Variants in PVT1 observed in about 807,000 individuals in gnomAD.
PVT1 encodes the protein CXCR4/PVT1 fusion.
chr8:127,885,012 C>T (rs1425654158), intron 2 of PVT1, among the ~76,000 whole-genome samples: 1 of 152,196 alleles, frequency 6.6e-6, no homozygotes, highest in Non-Finnish European at 1.5e-5. Flanking sequence ...AGACTGTGTC[C>T]CCTGTTCACT....
At chr8:127,841,781 A>C (rs915698644) in intron 2 of PVT1, among the ~76,000 whole-genome samples, 3 of 151,750 alleles carry the variant, frequency 2.0e-5, no homozygotes, top group Non-Finnish European at 4.4e-5. Flanking sequence ...GCTGGAGTGC[A>C]GTGGCACAAT....
intron 3 of PVT1, among the ~76,000 whole-genome samples, chr8:127,937,320 T>C (rs553076453): frequency 6.6e-6 from 1 of 152,094 alleles, no homozygotes; most frequent in Non-Finnish European, 1.5e-5. Flanking sequence ...CGATCTTGGC[T>C]CACTGCAACC....
chr8:127,890,509 A>G (rs1815587416), intron 2 of PVT1: 1 of 152,254 alleles, frequency 6.6e-6, no homozygotes, highest in Admixed American at 6.5e-5. Flanking sequence ...AGGGCCAAAC[A>G]CAAGGAGGAA....
At chr8:127,819,999 G>T (rs1814711897) in intron 2 of PVT1, among the ~76,000 whole-genome samples, 1 of 152,174 alleles carries the variant, frequency 6.6e-6, no homozygotes, top group African/African-American at 2.4e-5. Context: ...TTCTAAGGGT[G>T]AGGTCAAGCA....
At chr8:127,987,334 C>T (rs1376184606) in intron 3 of PVT1, among the ~76,000 whole-genome samples, 1 of 152,210 alleles carries the variant, frequency 6.6e-6, no homozygotes, top group Non-Finnish European at 1.5e-5. Flanking sequence ...GGGAGGGTTA[C>T]AGCCAGGCCT....
At chr8:127,849,422 A>G (rs17189100) in intron 2 of PVT1, among the ~76,000 whole-genome samples, 3,418 of 152,218 alleles carry the variant, frequency 0.022, 67 homozygotes, top group Non-Finnish European at 0.034. Context: ...CTTTCGAAAC[A>G]AGGTGTTCCC....
In PVT1 at chr8:127,924,598, G is replaced by A. The variant is rs1022706284; in HGVS notation, n.782+33600G>A. Among the ~76,000 whole-genome samples, 11 of 146,872 alleles carry A rather than the reference G, an allele frequency of 7.5e-5. No individual in the cohort carries two copies. In the South Asian group the frequency reaches 1.7e-3, roughly 23 times the overall value. On this transcript the variant is annotated intron_variant and non_coding_transcript_variant, in intron 3 of 10. Coordinates refer to ENST00000651587, the Ensembl canonical transcript of PVT1. The stretch of plus-strand genomic sequence containing the variant: ...TCGATGTCGGCTCACTGTAAGCTCC[G>A]CCTCCCGTGTTCATGCCATTCTCCT...
chr8:127,957,053 T>A (rs1265324285), intron 3 of PVT1, among the ~76,000 whole-genome samples: 1 of 152,200 alleles, frequency 6.6e-6, no homozygotes, highest in Non-Finnish European at 1.5e-5. Flanking sequence ...TTAATGCTTT[T>A]CAAACAACTT....
At chr8:128,097,905 C>T (rs929691939) in intron 6 of PVT1, among the ~76,000 whole-genome samples, 2 of 152,120 alleles carry the variant, frequency 1.3e-5, no homozygotes, top group African/African-American at 4.8e-5. Flanking sequence ...AGCCTGCCCC[C>T]AGCCAGCTCC....
At chr8:127,924,886 G>C (rs771126291) in intron 3 of PVT1, among the ~76,000 whole-genome samples, 2 of 152,048 alleles carry the variant, frequency 1.3e-5, no homozygotes, top group African/African-American at 4.8e-5. Flanking sequence ...GGCCTTAAGC[G>C]ATCCACCCAC....
intron 3 of PVT1, among the ~76,000 whole-genome samples, chr8:127,970,285 A>ATTTTTTTTTTT (rs1321419703): frequency 7.5e-5 from 2 of 26,830 alleles, no homozygotes; most frequent in Non-Finnish European, 1.5e-4. Context: ...ATCTGCCATG[A>ATTTTTTTTTTT]TTTGTTTTTT....
At chr8:127,911,761 G>T (rs1031532022) in intron 3 of PVT1, among the ~76,000 whole-genome samples, 5 of 152,222 alleles carry the variant, frequency 3.3e-5, no homozygotes, top group African/African-American at 1.2e-4. Flanking sequence ...TTGCTTCTTG[G>T]AGTGCTGTTT....
At chr8:127,872,719 C>T (rs1002641453) in intron 2 of PVT1, among the ~76,000 whole-genome samples, 1 of 152,202 alleles carries the variant, frequency 6.6e-6, no homozygotes, top group Non-Finnish European at 1.5e-5. Flanking sequence ...ATCCAGAAAA[C>T]CCTGGCTCGG....
chr8:127,886,888 A>G (rs1425753858), intron 2 of PVT1, among the ~76,000 whole-genome samples: 1 of 152,196 alleles, frequency 6.6e-6, no homozygotes, highest in African/African-American at 2.4e-5. Flanking sequence ...ATTATAAATT[A>G]TATCACAGAC....
At chr8:127,795,507 G>T (rs1405669269) in intron 1 of PVT1, among the ~76,000 whole-genome samples, 1 of 152,174 alleles carries the variant, frequency 6.6e-6, no homozygotes, top group Admixed American at 6.5e-5. Flanking sequence ...AAGAAATCAC[G>T]TGCAAGGATT....
chr8:127,868,799 A>ATATACATATATATG (rs1563625719), intron 2 of PVT1, among the ~76,000 whole-genome samples: 1 of 71,476 alleles, frequency 1.4e-5, no homozygotes, highest in African/African-American at 1.5e-4. Flanking sequence ...ATATACATAT[A>ATATACATATATATG]TATGTACATA....
chr8:128,067,951 G>A (rs540779059), intron 4 of PVT1, among the ~76,000 whole-genome samples: 1 of 90,962 alleles, frequency 1.1e-5, no homozygotes, highest in African/African-American at 3.9e-5. Context: ...AACATACTTT[G>A]TGTTTTTTTT....
At chr8:127,834,315 T>A (rs1814884839) in intron 2 of PVT1, among the ~76,000 whole-genome samples, 1 of 152,060 alleles carries the variant, frequency 6.6e-6, no homozygotes, top group African/African-American at 2.4e-5. Context: ...AAACAAGCAA[T>A]GGGGAAAGAA....
chr8:127,959,057 G>A (rs993312291), intron 3 of PVT1, among the ~76,000 whole-genome samples: 4 of 148,600 alleles, frequency 2.7e-5, no homozygotes, highest in African/African-American at 7.3e-5. Flanking sequence ...GTGGGGTGGG[G>A]TAGGTGGGCT....
Sources: allele counts gnomAD v4.1 joint callset (sites outside exome capture counted in the v4.1 genomes callset), GRCh38; gene constraint gnomAD v4.1.1; transcripts MANE v1.5; gene names NCBI Gene and HGNC (gene_info 2026-07-23, HGNC 2026-07-21).